Variants in CCSER1 observed in about 807,000 individuals in gnomAD.
The protein encoded by CCSER1 is coiled-coil serine rich protein 1.
CCSER1 carries 41 observed loss-of-function variants against 82.0 expected under a neutral mutation model. The ratio of observed to expected loss-of-function variants is 0.50; its 90% CI spans 0.39 to 0.65. The LOEUF (loss-of-function observed/expected upper bound fraction) is 0.65. CCSER1 is among the 30% of genes least tolerant of loss of function. The probability of loss-of-function intolerance (pLI) is 0.00; values close to 1 mark genes in which losing one functional copy is unlikely to be tolerated. For missense variants in CCSER1, 1,119 were observed against 1,064.2 expected (o/e 1.05, Z -0.72); for synonymous variants, 414 against 383.9 (o/e 1.08, Z -0.92).
chr4:90,563,255 G>A (rs1778992885), intron 5 of CCSER1, among the ~76,000 whole-genome samples: 2 of 151,992 alleles, frequency 1.3e-5, no homozygotes, highest in Non-Finnish European at 2.9e-5. Context: ...GGGATTACAG[G>A]TGCCCGCCAC....
intron 7 of CCSER1, among the ~76,000 whole-genome samples, chr4:90,747,636 CTTTT>C (rs772577362): frequency 1.4e-5 from 2 of 146,432 alleles, no homozygotes; most frequent in Admixed American, 1.4e-4. Flanking sequence ...ATCTAATTTT[CTTTT>C]TTTTTTCTTT....
intron 10 of CCSER1, among the ~76,000 whole-genome samples, chr4:91,413,782 A>G (rs1381291447): frequency 1.3e-5 from 2 of 152,172 alleles, no homozygotes; most frequent in Admixed American, 1.3e-4. Context: ...GAACAAAGAG[A>G]GAATTTTAAA....
intron 10 of CCSER1, among the ~76,000 whole-genome samples, chr4:91,582,856 C>T (rs1763799028): frequency 6.6e-6 from 1 of 151,358 alleles, no homozygotes; most frequent in Admixed American, 6.6e-5. Context: ...CTGAGCCCAA[C>T]TGCAAAACTA....
intron 1 of CCSER1, among the ~76,000 whole-genome samples, chr4:90,224,028 A>C (rs940993821): frequency 6.6e-6 from 1 of 152,234 alleles, no homozygotes; most frequent in Non-Finnish European, 1.5e-5. Flanking sequence ...GGAAGTTGCT[A>C]ATGTAAGTGC....
intron 5 of CCSER1, among the ~76,000 whole-genome samples, chr4:90,567,834 T>C (rs1021658857): frequency 1.5e-4 from 23 of 151,966 alleles, no homozygotes; most frequent in Non-Finnish European, 3.1e-4. Context: ...CTTGAACTCC[T>C]GGGCTCAAGT....
chr4:91,528,525 C>G (rs567821380), intron 10 of CCSER1, among the ~76,000 whole-genome samples: 1 of 152,092 alleles, frequency 6.6e-6, no homozygotes, highest in African/African-American at 2.4e-5. Context: ...TACATTTCCT[C>G]GGGACTACAT....
At chr4:90,756,460 G>A (rs1749546136) in intron 7 of CCSER1, among the ~76,000 whole-genome samples, 1 of 151,938 alleles carries the variant, frequency 6.6e-6, no homozygotes, top group Non-Finnish European at 1.5e-5. Context: ...AATCAAAATA[G>A]CCTATTTAAG....
At chr4:90,158,915 G>C (rs1434078187) in intron 1 of CCSER1, among the ~76,000 whole-genome samples, 1 of 152,108 alleles carries the variant, frequency 6.6e-6, no homozygotes, top group East Asian at 1.9e-4. Flanking sequence ...GCACTCCGCA[G>C]TGAGATGAAC....
At chr4:90,666,973 A>C (rs995889103) in intron 6 of CCSER1, among the ~76,000 whole-genome samples, 3 of 152,214 alleles carry the variant, frequency 2.0e-5, no homozygotes, top group East Asian at 1.9e-4. Flanking sequence ...TCTCTTGGAA[A>C]TGGATATATT....
chr4:90,308,131 C>G, intron 1 of CCSER1, 113 bp from the exon 2 acceptor site: 1 of 801,736 alleles, frequency 1.2e-6, no homozygotes, highest in Non-Finnish European at 1.8e-6. Flanking sequence ...TATTTATCGT[C>G]TTAGTATAAA....
chr4:90,712,290 A>C (rs1215914803), intron 6 of CCSER1, among the ~76,000 whole-genome samples: 1 of 151,942 alleles, frequency 6.6e-6, no homozygotes, highest in South Asian at 2.1e-4. Context: ...AGGGTTACAA[A>C]TTTCCTTCTT....
chr4:90,393,476 TA>T (rs1751496236), intron 3 of CCSER1, among the ~76,000 whole-genome samples: 1 of 152,156 alleles, frequency 6.6e-6, no homozygotes, highest in Non-Finnish European at 1.5e-5. Flanking sequence ...CTTATTAATT[TA>T]AATAATCCTC....
chr4:91,225,506 G>A (rs1333073982), intron 10 of CCSER1, among the ~76,000 whole-genome samples: 1 of 148,840 alleles, frequency 6.7e-6, no homozygotes, highest in African/African-American at 2.5e-5. Context: ...TTTTCCATAG[G>A]AATAAAAGGA....
chr4:90,613,534 T>C (rs1054499163), intron 5 of CCSER1, among the ~76,000 whole-genome samples: 1 of 152,210 alleles, frequency 6.6e-6, no homozygotes, highest in Admixed American at 6.5e-5. Flanking sequence ...TTGTTGCTAC[T>C]AAAGATTCAC....
chr4:91,169,833 G>T (rs1732565136), intron 10 of CCSER1, among the ~76,000 whole-genome samples: 1 of 151,900 alleles, frequency 6.6e-6, no homozygotes, highest in African/African-American at 2.4e-5. Context: ...GGCAGAAACT[G>T]CTAGTTGCCT....
Position 90,895,522 on chromosome 4 carries a change from T to A in CCSER1, c.2095-27848T>A, listed in dbSNP as rs1254947813. ...GCACCTCTTTCAAAAAGAATAAAAATACAGAAAACCATTTGTACTGTAATT... is the reference window on the plus strand; with the variant it reads ...GCACCTCTTTCAAAAAGAATAAAAAAACAGAAAACCATTTGTACTGTAATT... On this transcript the variant is annotated intron_variant, in intron 8 of 10. Coordinates refer to ENST00000509176, the MANE Select transcript of CCSER1 (RefSeq NM_001145065.2). Among the ~76,000 whole-genome samples, 3 of 151,992 alleles carry A rather than the reference T, an allele frequency of 2.0e-5. No individual in the cohort carries two copies. In the South Asian group the frequency reaches 6.2e-4, roughly 31 times the overall value.
At chr4:91,027,645 A>G (rs1740609558) in intron 9 of CCSER1, among the ~76,000 whole-genome samples, 1 of 149,596 alleles carries the variant, frequency 6.7e-6, no homozygotes, top group South Asian at 2.1e-4. Flanking sequence ...ATGTTGTGGC[A>G]TTTATAACTC....
At chr4:91,551,052 T>C (rs919665641) in intron 10 of CCSER1, among the ~76,000 whole-genome samples, 4 of 152,126 alleles carry the variant, frequency 2.6e-5, no homozygotes, top group African/African-American at 9.6e-5. Context: ...AGCAGTCAAA[T>C]ATAATTCAAA....
intron 10 of CCSER1, among the ~76,000 whole-genome samples, chr4:91,161,831 T>G (rs1358756317): frequency 6.6e-6 from 1 of 152,156 alleles, no homozygotes; most frequent in Non-Finnish European, 1.5e-5. Context: ...TAAGGAGATT[T>G]TGGGCTGAGA....
Sources: gnomAD v4.1 joint callset for allele counts (sites outside exome capture counted in the v4.1 genomes callset) on GRCh38, gnomAD v4.1.1 for gene constraint, MANE v1.5 for transcripts, NCBI Gene and HGNC (gene_info 2026-07-23, HGNC 2026-07-21) for gene names.